BAIAP2: variants seen among roughly 807,000 people sequenced by gnomAD.
BAIAP2 encodes BAR/IMD domain-containing adapter protein 2.
In BAIAP2, 18 loss-of-function variants were observed where a neutral mutation model predicts 63.0. The ratio of observed to expected loss-of-function variants is 0.29; its 90% confidence interval spans 0.20 to 0.42. BAIAP2 has a LOEUF of 0.42. BAIAP2 is among the 10% of genes least tolerant of loss of function. BAIAP2 has a pLI of 1.00. For synonymous variants in BAIAP2, 386 were observed against 307.6 expected, an observed-to-expected ratio of 1.25 and a Z score of -2.67; for missense variants, 610 against 734.3, an observed-to-expected ratio of 0.83 and a Z score of 1.96.
intron 3 of BAIAP2, among the ~76,000 whole-genome samples, chr17:81,066,832 C>G (rs1205683177): frequency 1.3e-5 from 2 of 152,196 alleles, no homozygotes; most frequent in African/African-American, 4.8e-5. Context: ...CCCATGTGTC[C>G]CAGCCTCCTC....
At chr17:81,052,362 T>A (rs929407187) in intron 1 of BAIAP2, among the ~76,000 whole-genome samples, 1 of 152,208 alleles carries the variant, frequency 6.6e-6, no homozygotes, top group Non-Finnish European at 1.5e-5. Flanking sequence ...CGATGCTGCA[T>A]CCCCCACCCC....
At chr17:81,102,116 C>T (rs1250570548) in intron 7 of BAIAP2, among the ~76,000 whole-genome samples, 2 of 144,928 alleles carry the variant, frequency 1.4e-5, no homozygotes, top group Non-Finnish European at 3.1e-5. Flanking sequence ...CGTGGGCCCC[C>T]GGGCGTGTGT....
chr17:81,082,296 A>ACGCACATATGTGCTCATGCCCG lies in BAIAP2; in HGVS notation c.218-2534_218-2513dup, dbSNP rs773389316. Among the ~76,000 whole-genome samples the ACGCACATATGTGCTCATGCCCG allele has an allele frequency of 2.6e-4, 39 of 152,298 alleles. No homozygotes were observed. The South Asian group carries it at 7.5e-3, about 29-fold the overall frequency. On this transcript the variant is annotated intron_variant, in intron 3 of 13. Coordinates refer to ENST00000428708, the MANE Select transcript of BAIAP2 (RefSeq NM_001144888.2). ...TGCCCACTCACATAGGTAGACATGC[A>ACGCACATATGTGCTCATGCCCG]CGCACATATGTGCTCATGCCCGCAC...
At chr17:81,053,112 A>G (rs371911079) in intron 1 of BAIAP2, among the ~76,000 whole-genome samples, 1 of 152,326 alleles carries the variant, frequency 6.6e-6, no homozygotes, top group East Asian at 1.9e-4. Context: ...TGATCTTGGC[A>G]CCGAGATGCC....
chr17:81,043,670 G>C (rs1024301230), intron 1 of BAIAP2, among the ~76,000 whole-genome samples: 28 of 152,158 alleles, frequency 1.8e-4, no homozygotes, highest in African/African-American at 6.8e-4. Context: ...GACATTCTCT[G>C]TGCTCAGCCT....
intron 3 of BAIAP2, among the ~76,000 whole-genome samples, chr17:81,059,927 C>T (rs546188245): frequency 4.1e-4 from 62 of 152,240 alleles, no homozygotes; most frequent in Non-Finnish European, 7.9e-4. Flanking sequence ...TTCCTGTTGG[C>T]GGAGTCCCTG....
intron 6 of BAIAP2, chr17:81,097,595 C>G (rs564356431): frequency 1.3e-5 from 2 of 152,434 alleles, no homozygotes; most frequent in African/African-American, 4.8e-5. Context: ...TCTTAAGAGC[C>G]GATTCTGAAC....
chr17:81,104,172 A>G, intron 9 of BAIAP2, 64 bp downstream of exon 9: 3 of 1,555,840 alleles, frequency 1.9e-6, no homozygotes, highest in Non-Finnish European at 2.6e-6. Flanking sequence ...CCCTACAGTC[A>G]TGCCACAACC....
chr17:81,106,008 G>T, intron 10 of BAIAP2, 70 bp from the exon 11 acceptor site: 2 of 1,388,234 alleles, frequency 1.4e-6, no homozygotes, highest in South Asian at 1.2e-5. Context: ...ACTTGTGCAT[G>T]GATGGTGGTC....
intron 13 of BAIAP2, among the ~76,000 whole-genome samples, chr17:81,114,715 CT>C (rs1301547515): frequency 1.3e-5 from 2 of 152,208 alleles, no homozygotes; most frequent in Non-Finnish European, 2.9e-5. Context: ...TGCCTCTGCC[CT>C]GTGCCTCTTC....
intron 3 of BAIAP2, among the ~76,000 whole-genome samples, chr17:81,070,394 G>A (rs185838950): frequency 2.3e-3 from 346 of 152,322 alleles, no homozygotes; most frequent in African/African-American, 7.9e-3. Context: ...GTGCTCTGCC[G>A]GGCAACCTTG....
rs1283617318 is a variant in BAIAP2, at chr17:81,116,412, C to G, written c.*573C>G. Reference sequence around the variant, plus strand: ...GTGGGGCTCTCCTGGGCCCCTCACTCCCACTGGCAATGTCACAAGGGCCTC... The same window carrying G: ...GTGGGGCTCTCCTGGGCCCCTCACTGCCACTGGCAATGTCACAAGGGCCTC... On this transcript the variant is annotated 3_prime_UTR_variant, in exon 14 of 14. Coordinates refer to ENST00000428708, the MANE Select transcript of BAIAP2 (RefSeq NM_001144888.2). The G allele has an allele frequency of 2.2e-5, 32 of 1,431,242 alleles. No homozygotes were observed. Among genetic ancestry groups the G allele is most frequent in the Non-Finnish European group, 3.0e-5 (31 of 1,050,836 alleles). The allele number at this position is 1,431,242 out of a possible 1,614,324, so 88.7% of individuals were successfully genotyped here. A position where few individuals can be genotyped will look rare whatever the true frequency, so the allele number is the denominator to read the frequency against.
chr17:81,057,971 A>AGGGGGGGGGGGGGGGGGGGGGGGGGGGG lies in BAIAP2; in HGVS notation c.217+5_217+6insGGGGGGGGGGGGGGGGGGGGGGGGGGGG. ...AGCCAGGGCTCCAAAGAACTCGGTG[A>AGGGGGGGGGGGGGGGGGGGGGGGGGGGG]GACCCCCCCCCCCCCCCCGCCTGGT... On this transcript the variant is annotated splice_donor_region_variant and intron_variant, in intron 3 of 13. Transcript: ENST00000428708. 7.5e-6 allele frequency: 5 copies of AGGGGGGGGGGGGGGGGGGGGGGGGGGGG among 664,804 alleles called. No homozygotes were observed. The highest frequency in any genetic ancestry group is 8.7e-6 in the Non-Finnish European group (4 of 462,416). The allele number at this position is 664,804 out of a possible 1,614,324, so 41.2% of individuals were successfully genotyped here.
chr17:81,079,639 C>G (rs186295193), intron 3 of BAIAP2, among the ~76,000 whole-genome samples: 1 of 152,174 alleles, frequency 6.6e-6, no homozygotes, highest in African/African-American at 2.4e-5. Context: ...CACCTACATC[C>G]TGAGGCGTGG....
At chr17:81,062,683 C>T (rs994549490) in intron 3 of BAIAP2, among the ~76,000 whole-genome samples, 1 of 108,462 alleles carries the variant, frequency 9.2e-6, no homozygotes, top group Non-Finnish European at 1.8e-5. Context: ...TTGTCTTTTT[C>T]TTTCCTTTTT....
chr17:81,085,782 A>G (rs2055502896), intron 5 of BAIAP2, 57 bp downstream of exon 5: 1 of 1,370,848 alleles, frequency 7.3e-7, no homozygotes, highest in Non-Finnish European at 1.0e-6. Context: ...GGCTCTCCCA[A>G]ATGCCTGCCA....
chr17:81,073,799 T>C (rs1265719509), intron 3 of BAIAP2, among the ~76,000 whole-genome samples: 1 of 152,170 alleles, frequency 6.6e-6, no homozygotes, highest in African/African-American at 2.4e-5. Flanking sequence ...AAAGCCGAAG[T>C]GTGAGGGGCT....
intron 1 of BAIAP2, among the ~76,000 whole-genome samples, chr17:81,041,038 C>T (rs2047006203): frequency 6.6e-6 from 1 of 152,258 alleles, no homozygotes; most frequent in South Asian, 2.1e-4. Context: ...CTGTCAGGCA[C>T]AGTGGCGCCC....
intron 1 of BAIAP2, among the ~76,000 whole-genome samples, chr17:81,043,008 C>G (rs2047302260): frequency 6.6e-6 from 1 of 152,162 alleles, no homozygotes. Flanking sequence ...GCTGGGATTA[C>G]AGGTGTGCGC....
Sources: allele counts gnomAD v4.1 joint callset (sites outside exome capture counted in the v4.1 genomes callset), GRCh38; gene constraint gnomAD v4.1.1; transcripts MANE v1.5; gene names NCBI Gene and HGNC (gene_info 2026-07-23, HGNC 2026-07-21).